TNRC6B: variants seen among roughly 807,000 people sequenced by gnomAD.
The protein encoded by TNRC6B is trinucleotide repeat containing adaptor 6B.
A neutral mutation model predicts 203.6 loss-of-function variants in TNRC6B; 52 were observed. That is an observed-to-expected ratio of 0.26 (90% CI 0.20 to 0.32). The LOEUF is 0.32. Among genes scored for constraint, TNRC6B ranks in the 10% least tolerant of loss-of-function variants. The pLI is 1.00. For synonymous variants in TNRC6B, 838 were observed against 845.7 expected (o/e 0.99, Z 0.16); for missense variants, 1,923 against 2,286.2 (o/e 0.84, Z 3.24).
intron 1 of TNRC6B, among the ~76,000 whole-genome samples, chr22:40,227,851 A>G (rs1199864340): frequency 1.3e-5 from 2 of 152,198 alleles, no homozygotes; most frequent in African/African-American, 4.8e-5. Context: ...CTGTCCCACC[A>G]GTTACTGTTA....
chr22:40,237,809 C>A (rs1258646651), intron 1 of TNRC6B, among the ~76,000 whole-genome samples: 2 of 147,332 alleles, frequency 1.4e-5, no homozygotes, highest in Non-Finnish European at 3.0e-5. Flanking sequence ...CTCTTCCCAT[C>A]TCTTCCCTCT....
intron 3 of TNRC6B, among the ~76,000 whole-genome samples, chr22:40,149,697 A>T (rs1346012512): frequency 4.6e-5 from 7 of 151,970 alleles, no homozygotes; most frequent in Non-Finnish European, 8.8e-5. Context: ...AAAAAAAAAA[A>T]AAAAAGATTA....
intron 1 of TNRC6B, among the ~76,000 whole-genome samples, chr22:40,227,288 A>G (rs1420223819): frequency 6.7e-6 from 1 of 149,538 alleles, no homozygotes; most frequent in African/African-American, 2.5e-5. Context: ...GGTGCAAACA[A>G]TCTGCCCACC....
rs1224274698 is a variant in TNRC6B at position 40,265,337 on chromosome 22, C to T, written c.1107C>T (p.Asn369=). The T allele has an allele frequency of 6.2e-7, 1 of 1,614,004 alleles. No individual in the cohort carries two copies. Among genetic ancestry groups the T allele is most frequent in the South Asian group, 1.1e-5 (1 of 91,082 alleles). Residue 369 remains asparagine (N), a synonymous_variant, in exon 5 of 23, where the codon AAC becomes AAT. Transcript: ENST00000454349. ...VSGREQAQIH[N]TDGPKNGNTN... Reference sequence around the variant, plus strand: ...GCAGAGAACAGGCTCAAATTCATAACACTGATGGACCAAAAAATGGAAACA... The same window carrying T: ...GCAGAGAACAGGCTCAAATTCATAATACTGATGGACCAAAAAATGGAAACA...
chr22:40,163,397 CAAAAAAAAAAA>C (rs1032013873), intron 4 of TNRC6B, among the ~76,000 whole-genome samples: 2 of 20,076 alleles, frequency 1.0e-4, no homozygotes, highest in East Asian at 1.7e-3. Context: ...GACCCTGTCT[CAAAAAAAAAAA>C]AAAAAAAAAA....
chr22:40,218,422 G>A (rs2069666147), intron 1 of TNRC6B, among the ~76,000 whole-genome samples: 1 of 149,906 alleles, frequency 6.7e-6, no homozygotes. Flanking sequence ...GACCTCCTGG[G>A]CTCAGGCAAT....
rs1367455484 is a variant in TNRC6B at position 40,315,505 on chromosome 22, C to T, written c.4901C>T (p.Ser1634Leu). The change falls in exon 20 of 23, where the codon TCG becomes TTG. Residue 1634 changes from serine to leucine, a missense_variant and splice_region_variant. Ser to Leu is a moderately radical substitution (Grantham distance 145). This residue lies in a region of TNRC6B where 159 missense variants were observed against 181.0 expected (regional missense o/e 0.88). Transcript: ENST00000454349. ...GWGTQDSRLA[S>L]ASTWSDGGSV... ...GGGACACAGGACTCACGGCTCGCCT[C>T]GGGTGAGGAGGATCTGCCTAAAGGA... 1.9e-6 allele frequency: 3 copies of T among 1,613,696 alleles called. No homozygotes were observed. The highest frequency in any genetic ancestry group is 1.3e-5 in the African/African-American group (1 of 74,904).
At chr22:40,293,422 G>T (rs986478330) in intron 12 of TNRC6B, among the ~76,000 whole-genome samples, 1 of 151,808 alleles carries the variant, frequency 6.6e-6, no homozygotes, top group Admixed American at 6.6e-5. Context: ...CGAACTCCTG[G>T]CCTCACGTGA....
At chr22:40,245,184 G>A (rs1416766908) in intron 1 of TNRC6B, among the ~76,000 whole-genome samples, 2 of 151,964 alleles carry the variant, frequency 1.3e-5, no homozygotes, top group East Asian at 1.9e-4. Context: ...TCCTCTTCCC[G>A]GGTTCCAGTG....
At chr22:40,083,148 CAGA>C (rs2068074505) in intron 1 of TNRC6B, among the ~76,000 whole-genome samples, 1 of 152,088 alleles carries the variant, frequency 6.6e-6, no homozygotes, top group Non-Finnish European at 1.5e-5. Context: ...AGGATAGAAT[CAGA>C]GGAGGATGAA....
At chr22:40,044,942 CTG>C (rs2067672588) in exon 1 of TNRC6B, 2 of 152,370 alleles carry the variant, frequency 1.3e-5, no homozygotes, top group South Asian at 4.1e-4. Context: ...GAAGCGGAGA[CTG>C]CGCGCCTCGC....
At chr22:40,289,379 T>A (rs994579792) in intron 12 of TNRC6B, among the ~76,000 whole-genome samples, 13 of 151,908 alleles carry the variant, frequency 8.6e-5, no homozygotes, top group African/African-American at 1.7e-4. Flanking sequence ...AGCAAAAGAG[T>A]GCAGTTGCAG....
intron 15 of TNRC6B, among the ~76,000 whole-genome samples, chr22:40,306,790 A>G (rs1163767171): frequency 6.6e-6 from 1 of 152,200 alleles, no homozygotes; most frequent in Non-Finnish European, 1.5e-5. Flanking sequence ...GTTCTAGACC[A>G]GCCTTGGCAA....
chr22:40,201,716 C>G (rs572672750), intron 1 of TNRC6B, among the ~76,000 whole-genome samples: 8 of 152,082 alleles, frequency 5.3e-5, no homozygotes, highest in Non-Finnish European at 1.2e-4. Context: ...TGAGCCACCA[C>G]ACCCAGCCTC....
rs1156243331 is a variant in TNRC6B, at chr22:40,270,177, G to C, written c.2862G>C (p.Glu954Asp). Residue 954 changes from glutamate (E) to aspartate (D), a missense_variant, in exon 6 of 23, where the codon GAG (glutamate) becomes GAC (aspartate). Coordinates refer to ENST00000454349, the MANE Select transcript of TNRC6B (RefSeq NM_001162501.2). ...APDNGTSAWG[E>D]PNESSPGWGE... ...ATAATGGTACTTCCGCTTGGGGTGA[G>C]CCAAATGAAAGCAGTCCTGGGTGGG... is the stretch of plus-strand genomic sequence containing the variant. The C allele has an allele frequency of 6.3e-7, 1 of 1,580,458 alleles. No homozygotes were observed. Among genetic ancestry groups the C allele is most frequent in the East Asian group, 2.3e-5 (1 of 43,556 alleles).
intron 6 of TNRC6B, among the ~76,000 whole-genome samples, 198 bp downstream of exon 6, chr22:40,270,478 C>T (rs375230832): frequency 9.9e-5 from 15 of 152,184 alleles, no homozygotes; most frequent in African/African-American, 3.4e-4. Context: ...CGCCACCACG[C>T]CCGGCTAATT....
rs137969035 is a variant in TNRC6B at position 40,285,326 on chromosome 22, C to T, written c.3583-319C>T. On this transcript the variant is annotated intron_variant, in intron 11 of 22. Transcript: ENST00000454349. ...TGAGAATAAATTTGGTAAACCCAAT[C>T]GCAAAGAAGAGTACTTGAAATAAAT... Among the ~76,000 whole-genome samples the T allele has an allele frequency of 3.3e-3, 510 of 152,288 alleles. 2 individuals carry two copies. The highest frequency in any genetic ancestry group is 5.9e-3 in the Non-Finnish European group (404 of 68,030).
chr22:40,306,207 C>A (rs913954800), intron 15 of TNRC6B, among the ~76,000 whole-genome samples: 2 of 152,132 alleles, frequency 1.3e-5, no homozygotes, highest in African/African-American at 4.8e-5. Flanking sequence ...GCAGGAAAAT[C>A]GCTTGAACCC....
chr22:40,178,392 C>T (rs1014274422), intron 1 of TNRC6B, among the ~76,000 whole-genome samples: 1 of 152,130 alleles, frequency 6.6e-6, no homozygotes, highest in African/African-American at 2.4e-5. Context: ...TTTTCATCAT[C>T]GTTTCTATCT....
Sources: gnomAD v4.1 joint callset for allele counts (sites outside exome capture counted in the v4.1 genomes callset) on GRCh38, gnomAD v4.1.1 for gene constraint, gnomAD v4.1.1 regional missense constraint, MANE v1.5 for transcripts, NCBI Gene and HGNC (gene_info 2026-07-23, HGNC 2026-07-21) for gene names.